Variants in ARL15 observed in about 807,000 individuals in gnomAD.
ARL15 encodes ARF like GTPase 15.
ARL15 carries 19 observed loss-of-function variants against 25.2 expected under a neutral mutation model. That is an observed-to-expected ratio of 0.75 (90% CI 0.53 to 1.10). The LOEUF is 1.10. ARL15 is among the 50% of genes least tolerant of loss of function. ARL15 has a pLI of 0.00. For synonymous variants in ARL15, 94 were observed against 86.8 expected (o/e 1.08, Z -0.46); for missense variants, 220 against 246.0 (o/e 0.89, Z 0.71).
chr5:54,247,622 A>G (rs2112590460), intron 1 of ARL15, among the ~76,000 whole-genome samples: 1 of 152,142 alleles, frequency 6.6e-6, no homozygotes, highest in East Asian at 1.9e-4. Context: ...ACAAAGGCAC[A>G]TTGTGAGATA....
Position 54,310,497 on chromosome 5 carries a change from C to T in ARL15, c.-18G>A. ...TCAGACATCCGGCAGCCTAAAGCAT[C>T]CGGAACGGCTCCGAACCCGGAAAAA... On this transcript the variant is annotated 5_prime_UTR_variant, in exon 1 of 5. Transcript: ENST00000504924. The T allele has an allele frequency of 6.3e-7, 1 of 1,597,526 alleles. No homozygotes were observed. Among genetic ancestry groups the T allele is most frequent in the African/African-American group, 1.3e-5 (1 of 74,582 alleles).
At chr5:54,254,207 T>C (rs1190611032) in intron 1 of ARL15, among the ~76,000 whole-genome samples, 9 of 152,196 alleles carry the variant, frequency 5.9e-5, no homozygotes, top group Non-Finnish European at 1.5e-5. Context: ...AATCAGATAA[T>C]GAAGATCCTT....
At chr5:53,991,117 T>G (rs1748475355) in intron 4 of ARL15, among the ~76,000 whole-genome samples, 1 of 152,206 alleles carries the variant, frequency 6.6e-6, no homozygotes, top group Non-Finnish European at 1.5e-5. Context: ...TACTGGAACT[T>G]ATTTTATGGT....
chr5:54,210,794 G>A (rs1394326530), intron 1 of ARL15, among the ~76,000 whole-genome samples: 1 of 152,190 alleles, frequency 6.6e-6, no homozygotes, highest in Non-Finnish European at 1.5e-5. Flanking sequence ...GACCTTATAT[G>A]CCACATAGTT....
chr5:54,090,399 AT>A (rs1233347262), intron 4 of ARL15, among the ~76,000 whole-genome samples: 1 of 151,844 alleles, frequency 6.6e-6, no homozygotes, highest in Non-Finnish European at 1.5e-5. Context: ...TTGGAGATGT[AT>A]ATATGGGTGG....
At chr5:53,947,167 GGT>G (rs3222349) in intron 4 of ARL15, among the ~76,000 whole-genome samples, 5,717 of 123,482 alleles carry the variant, frequency 0.046, 117 homozygotes, top group Admixed American at 0.063. Flanking sequence ...AATAAATAAG[GGT>G]GTGTGTGTGT....
chr5:53,973,752 A>AAAAC (rs1057392075), intron 4 of ARL15, among the ~76,000 whole-genome samples: 5 of 152,054 alleles, frequency 3.3e-5, no homozygotes, highest in Non-Finnish European at 7.4e-5. Flanking sequence ...AAAACAAAAC[A>AAAAC]AAACAAACAA....
At chr5:54,114,417 A>AAAAAAAAAAAT (rs1190191336) in intron 3 of ARL15, among the ~76,000 whole-genome samples, 1 of 148,964 alleles carries the variant, frequency 6.7e-6, no homozygotes. Context: ...AAAAAAAAAA[A>AAAAAAAAAAAT]AAAAAGCAAC....
intron 4 of ARL15, among the ~76,000 whole-genome samples, chr5:53,931,262 C>A (rs1043942862): frequency 4.6e-5 from 7 of 152,204 alleles, no homozygotes; most frequent in African/African-American, 1.7e-4. Context: ...AGGCCACACA[C>A]TCCATCACAC....
chr5:54,038,741 T>C (rs1750245177), intron 4 of ARL15, among the ~76,000 whole-genome samples: 1 of 151,378 alleles, frequency 6.6e-6, no homozygotes, highest in African/African-American at 2.4e-5. Context: ...TATATATATA[T>C]GATTCACAGA....
chr5:54,141,679 C>T (rs1579841673), intron 3 of ARL15, among the ~76,000 whole-genome samples: 1 of 152,088 alleles, frequency 6.6e-6, no homozygotes, highest in Non-Finnish European at 1.5e-5. Context: ...TCTCATGACC[C>T]TTTTAATCTC....
Position 54,023,913 on chromosome 5 carries a change from G to A in ARL15, c.462+89289C>T, listed in dbSNP as rs573648409. ...GGCCCAACAGACTTTGTCCTAGGCC[G>A]GTGTATGTTCTTCAAGCCCACTGAA... On this transcript the variant is annotated intron_variant, in intron 4 of 4. Transcript: ENST00000504924. 7.9e-5 allele frequency among the ~76,000 whole-genome samples: 12 copies of A among 152,168 alleles called. No individual in the cohort carries two copies. In the South Asian group the frequency reaches 1.7e-3, roughly 21 times the overall value.
intron 1 of ARL15, among the ~76,000 whole-genome samples, chr5:54,287,845 T>TCC (rs757403363): frequency 7.2e-5 from 11 of 152,140 alleles, no homozygotes; most frequent in South Asian, 2.1e-4. Context: ...CAGTTTAGCC[T>TCC]TAGTAGCTGA....
intron 4 of ARL15, among the ~76,000 whole-genome samples, chr5:54,019,133 C>T (rs1749516183): frequency 6.6e-6 from 1 of 151,046 alleles, no homozygotes; most frequent in Non-Finnish European, 1.5e-5. Flanking sequence ...AAGTATAAGA[C>T]TTTCTGAAAC....
At chr5:54,210,043 T>G (rs1459910108) in intron 1 of ARL15, among the ~76,000 whole-genome samples, 1 of 152,208 alleles carries the variant, frequency 6.6e-6, no homozygotes, top group Non-Finnish European at 1.5e-5. Flanking sequence ...ATTTCTTCTT[T>G]GTGTCCTAAT....
At chr5:54,310,371 AG>A in intron 1 of ARL15, 60 bp downstream of exon 1, 2 of 1,557,560 alleles carry the variant, frequency 1.3e-6, no homozygotes, top group Admixed American at 1.9e-5. Flanking sequence ...TCCTCAAGGC[AG>A]GGGGCCATCG....
At chr5:53,949,392 CAG>C (rs1746870134) in intron 4 of ARL15, among the ~76,000 whole-genome samples, 1 of 152,122 alleles carries the variant, frequency 6.6e-6, no homozygotes, top group African/African-American at 2.4e-5. Flanking sequence ...AAGTGAAAAA[CAG>C]GAAGTTGCCT....
At chr5:54,209,668 TCTTTAG>T (rs1755979845) in intron 1 of ARL15, among the ~76,000 whole-genome samples, 1 of 151,510 alleles carries the variant, frequency 6.6e-6, no homozygotes, top group Non-Finnish European at 1.5e-5. Flanking sequence ...TTTGAGGTCG[TCTTTAG>T]CTTAAAGCAC....
At chr5:54,037,339 T>C (rs977069155) in intron 4 of ARL15, among the ~76,000 whole-genome samples, 17 of 152,122 alleles carry the variant, frequency 1.1e-4, no homozygotes, top group Non-Finnish European at 2.5e-4. Flanking sequence ...TTGGAATACA[T>C]TGAACTTAGA....
Sources: gnomAD v4.1 joint callset for allele counts (sites outside exome capture counted in the v4.1 genomes callset) on GRCh38, gnomAD v4.1.1 for gene constraint, MANE v1.5 for transcripts, NCBI Gene and HGNC (gene_info 2026-07-23, HGNC 2026-07-21) for gene names.